The following LRP1B variants were observed in gnomAD, a reference collection of about 807,000 sequenced individuals.
The protein encoded by LRP1B is LDL receptor related protein 1B, also known as low-density lipoprotein receptor-related protein 1B.
Under a neutral mutation model 556.6 loss-of-function variants are expected in LRP1B, and 217 were observed. That is an observed-to-expected ratio of 0.39 (90% CI 0.35 to 0.44). The LOEUF (loss-of-function observed/expected upper bound fraction) is 0.44. Among genes scored for constraint, LRP1B ranks in the 20% least tolerant of loss-of-function variants. LRP1B has a pLI of 1.00. For missense variants in LRP1B, 5,053 were observed against 5,620.8 expected (o/e 0.90, Z 3.23); for synonymous variants, 2,047 against 1,865.8 (o/e 1.10, Z -2.50).
At chr2:142,000,158 T>C (rs2105134341) in intron 1 of LRP1B, among the ~76,000 whole-genome samples, 1 of 152,214 alleles carries the variant, frequency 6.6e-6, no homozygotes, top group East Asian at 1.9e-4. Context: ...AGGACACATA[T>C]TGTATAATAA....
At chr2:141,307,044 T>C (rs1180903640) in intron 3 of LRP1B, among the ~76,000 whole-genome samples, 1 of 152,194 alleles carries the variant, frequency 6.6e-6, no homozygotes, top group Non-Finnish European at 1.5e-5. Context: ...CTGGAGAATG[T>C]TCCACATGCT....
chr2:140,537,708 C>T (rs1160176435), intron 45 of LRP1B, among the ~76,000 whole-genome samples: 2 of 152,052 alleles, frequency 1.3e-5, no homozygotes, highest in African/African-American at 2.4e-5. Context: ...TTCTAAATCT[C>T]AGAATTTTTA....
intron 1 of LRP1B, among the ~76,000 whole-genome samples, chr2:141,828,900 T>A (rs1274500515): frequency 1.3e-5 from 2 of 152,074 alleles, no homozygotes; most frequent in African/African-American, 4.8e-5. Context: ...TGGAATCAAA[T>A]GGTAAGAGCG....
chr2:141,787,280 C>T (rs952792558), intron 2 of LRP1B, among the ~76,000 whole-genome samples: 2 of 151,932 alleles, frequency 1.3e-5, no homozygotes, highest in Non-Finnish European at 2.9e-5. Context: ...AACACAAAAT[C>T]TGTTCATGAA....
At chr2:141,997,377 A>ATGTG (rs199813219) in intron 1 of LRP1B, among the ~76,000 whole-genome samples, 54 of 144,262 alleles carry the variant, frequency 3.7e-4, no homozygotes, top group South Asian at 3.0e-3. Flanking sequence ...AATATCCAAG[A>ATGTG]TGTGTGTGTG....
chr2:140,372,804 C>A (rs558456022), intron 69 of LRP1B, among the ~76,000 whole-genome samples: 3 of 152,094 alleles, frequency 2.0e-5, no homozygotes, highest in African/African-American at 7.2e-5. Context: ...GGATTCCATT[C>A]ATAAGTAATG....
chr2:140,831,300 G>A (rs748367304), intron 31 of LRP1B, among the ~76,000 whole-genome samples: 11 of 151,918 alleles, frequency 7.2e-5, no homozygotes, highest in Non-Finnish European at 1.0e-4. Context: ...TAAACAAAAC[G>A]GCATGGTGCG....
chr2:140,271,978 CA>C (rs1204496926), intron 85 of LRP1B, among the ~76,000 whole-genome samples: 5 of 151,418 alleles, frequency 3.3e-5, no homozygotes, highest in African/African-American at 7.3e-5. Flanking sequence ...TGATTTTCTA[CA>C]AAAAAAAGAT....
At chr2:141,317,192 T>C (rs188423434) in intron 3 of LRP1B, among the ~76,000 whole-genome samples, 1 of 152,206 alleles carries the variant, frequency 6.6e-6, no homozygotes, top group Non-Finnish European at 1.5e-5. Context: ...TATTGCTATA[T>C]TGGATAAACT....
At chr2:140,617,606 T>G (rs188383074) in intron 41 of LRP1B, among the ~76,000 whole-genome samples, 111 of 152,076 alleles carry the variant, frequency 7.3e-4, no homozygotes, top group Non-Finnish European at 1.4e-3. Flanking sequence ...AAATTTCAGA[T>G]AAGGATAAAT....
At chr2:141,945,539 G>GTA (rs10548880) in intron 1 of LRP1B, among the ~76,000 whole-genome samples, 2,760 of 148,332 alleles carry the variant, frequency 0.019, 63 homozygotes, top group African/African-American at 0.055. Flanking sequence ...ATGTATATAT[G>GTA]TATATATATA....
At chr2:141,008,493 A>T (rs1461597851) in intron 14 of LRP1B, among the ~76,000 whole-genome samples, 1 of 151,540 alleles carries the variant, frequency 6.6e-6, no homozygotes. Flanking sequence ...ACTTATTTAT[A>T]TATAAAATAA....
In LRP1B at chr2:141,562,648, C is replaced by T. The variant is rs957463750; in HGVS notation, c.206-82115G>A. 2.0e-5 allele frequency among the ~76,000 whole-genome samples: 3 copies of T among 151,982 alleles called. 1 individual carries two copies. The highest frequency in any genetic ancestry group is 4.1e-4 in the South Asian group (2 of 4,820). The stretch of plus-strand genomic sequence containing the variant: ...TTCCAGGCAGAGAAAGTTGCACAAC[C>T]GCTGGCTTCACTCCGTAAAACAAAG... On this transcript the variant is annotated intron_variant, in intron 2 of 90. Transcript: ENST00000389484.
intron 41 of LRP1B, among the ~76,000 whole-genome samples, chr2:140,664,002 C>T (rs889959046): frequency 6.6e-6 from 1 of 152,066 alleles, no homozygotes; most frequent in Admixed American, 6.6e-5. Context: ...GGGAAAGACA[C>T]AGGGAAGGAC....
intron 2 of LRP1B, among the ~76,000 whole-genome samples, chr2:141,506,008 C>A (rs888105258): frequency 1.3e-5 from 2 of 152,000 alleles, no homozygotes; most frequent in African/African-American, 4.8e-5. Context: ...TGCCTCGTAA[C>A]CCAGCTGTTG....
chr2:141,286,986 G>A (rs139961929), intron 3 of LRP1B, among the ~76,000 whole-genome samples: 276 of 152,252 alleles, frequency 1.8e-3, no homozygotes, highest in African/African-American at 6.2e-3. Context: ...TTAAATAGCC[G>A]TATGTAGTTG....
chr2:142,127,284 T>TA (rs1035376569), intron 1 of LRP1B, among the ~76,000 whole-genome samples: 1 of 151,930 alleles, frequency 6.6e-6, no homozygotes, highest in African/African-American at 2.4e-5. Context: ...AATAATGAGA[T>TA]AAAAACATTT....
chr2:141,906,401 C>T (rs1187325723), intron 1 of LRP1B, among the ~76,000 whole-genome samples: 1 of 151,952 alleles, frequency 6.6e-6, no homozygotes, highest in Admixed American at 6.6e-5. Flanking sequence ...GCAAACTACT[C>T]TTTTCACATA....
chr2:140,337,421 T>C (rs989760695), intron 77 of LRP1B, among the ~76,000 whole-genome samples: 2 of 151,970 alleles, frequency 1.3e-5, no homozygotes, highest in South Asian at 4.1e-4. Flanking sequence ...ATGTTTAGAA[T>C]ATAAATATTT....
Sources: allele counts gnomAD v4.1 joint callset (sites outside exome capture counted in the v4.1 genomes callset), GRCh38; gene constraint gnomAD v4.1.1; transcripts MANE v1.5; gene names NCBI Gene and HGNC (gene_info 2026-07-23, HGNC 2026-07-21).